Variants in LIN7B observed in about 807,000 individuals in gnomAD.
LIN7B encodes the protein protein lin-7 homolog B.
LIN7B carries 16 observed loss-of-function variants against 27.9 expected under a neutral mutation model. The observed-to-expected ratio is 0.57, with a 90% confidence interval of 0.39 to 0.87. The LOEUF (loss-of-function observed/expected upper bound fraction) is 0.87. Among genes scored for constraint, LIN7B ranks in the 40% least tolerant of loss-of-function variants. The pLI is 0.00. For missense variants in LIN7B, 291 were observed against 288.5 expected (o/e 1.01, Z -0.06); for synonymous variants, 147 against 120.8 (o/e 1.22, Z -1.42).
chr19:49,114,427 T>C lies in LIN7B; in HGVS notation c.23T>C (p.Leu8Pro). 8.3e-7 allele frequency: 1 copy of C among 1,206,502 alleles called. No homozygotes were observed. 74.7% of individuals were successfully genotyped at this position (1,206,502 alleles called of 1,614,324 possible). MAALVEP[L>P]GLERDVSRAV... is the part of the protein sequence containing the mutation. Reference sequence around the variant, plus strand: ...GACATGGCTGCGCTGGTGGAGCCGCTGGGGCTGGAGCGGGGTAAGCGTGCG... The same window carrying C: ...GACATGGCTGCGCTGGTGGAGCCGCCGGGGCTGGAGCGGGGTAAGCGTGCG... Residue 8 changes from leucine to proline, a missense_variant, in exon 1 of 6, where the codon CTG (leucine) becomes CCG (proline). Transcript: ENST00000221459.
At chr19:49,114,650 C>A in intron 1 of LIN7B, 199 bp from the exon 2 acceptor site, 1 of 452,746 alleles carries the variant, frequency 2.2e-6, no homozygotes, top group Non-Finnish European at 3.6e-6. Context: ...TACAACCCGG[C>A]CTGTGGAGGG....
At chr19:49,115,174 A>G in intron 2 of LIN7B, 86 bp from the exon 3 acceptor site, 32 of 1,203,560 alleles carry the variant, frequency 2.7e-5, no homozygotes, top group Non-Finnish European at 3.7e-5. Context: ...CTTGCGTGGT[A>G]GCGGGAGAGG....
intron 2 of LIN7B, 111 bp from the exon 3 acceptor site, chr19:49,115,149 G>C: frequency 5.9e-6 from 6 of 1,010,902 alleles, no homozygotes; most frequent in Non-Finnish European, 8.4e-6. Context: ...TTCTGTTGCG[G>C]GGGCGGGGCG....
intron 4 of LIN7B, among the ~76,000 whole-genome samples, chr19:49,117,354 T>C (rs1282554040): frequency 2.0e-5 from 3 of 151,608 alleles, no homozygotes; most frequent in Non-Finnish European, 4.4e-5. Context: ...CCTGAGAAGC[T>C]GGGACTTTGT....
chr19:49,117,835 G>A lies in LIN7B; in HGVS notation c.439-20G>A. ...AGGGCAGCGGGCCCCAGGCTCAGCT[G>A]TCTGTGTTGGGCCCTGCAGAGCGTT... is the stretch of plus-strand genomic sequence containing the variant. On this transcript the variant is annotated intron_variant, in intron 4 of 5. Coordinates refer to ENST00000221459, the MANE Select transcript of LIN7B (RefSeq NM_022165.3). 1 of 1,610,560 alleles carries A rather than the reference G, an allele frequency of 6.2e-7. No individual in the cohort carries two copies. Among genetic ancestry groups the A allele is most frequent in the East Asian group, 2.2e-5 (1 of 44,818 alleles).
Position 49,115,251 on chromosome 19 carries a change from C to T in LIN7B, c.157-9C>T, listed in dbSNP as rs1412658358. ...GGCGACTCCCTGATGCCGCTGCCTC[C>T]TCACCCAGGTGTATGAGCAGCTTTA... is the stretch of plus-strand genomic sequence containing the variant. On this transcript the variant is annotated splice_polypyrimidine_tract_variant and intron_variant, in intron 2 of 5. Transcript: ENST00000221459. 5.2e-6 allele frequency: 8 copies of T among 1,550,604 alleles called. No individual in the cohort carries two copies. Among genetic ancestry groups the T allele is most frequent in the African/African-American group, 2.7e-5 (2 of 73,046 alleles).
At chr19:49,118,052 C>T (rs1325313039) in intron 5 of LIN7B, 34 bp downstream of exon 5, 5 of 1,610,242 alleles carry the variant, frequency 3.1e-6, no homozygotes, top group Non-Finnish European at 3.4e-6. Flanking sequence ...CCTGGGGCCT[C>T]CACGGGCTCC....
At chr19:49,115,044 G>A in intron 2 of LIN7B, 77 bp downstream of exon 2, 4 of 1,059,194 alleles carry the variant, frequency 3.8e-6, no homozygotes, top group South Asian at 1.9e-5. Flanking sequence ...TCCCGAGCCC[G>A]GAGACTACGC....
Position 49,116,521 on chromosome 19 carries a change from A to G in LIN7B, c.438+49A>G, listed in dbSNP as rs754699964. ...CTGGGGGACACAGTCTGTCTAACGT[A>G]GCATAGCCCCTGCTTTTGACATTCA... On this transcript the variant is annotated intron_variant, in intron 4 of 5. Transcript: ENST00000221459. The G allele has an allele frequency of 4.5e-5, 68 of 1,518,554 alleles. No homozygotes were observed. The Admixed American group carries it at 1.1e-3, about 25-fold the overall frequency. The allele number at this position is 1,518,554 out of a possible 1,614,324, so 94.1% of individuals were successfully genotyped here.
Position 49,114,439 on chromosome 19 carries a change from G to A in LIN7B, c.35G>A (p.Arg12Gln), listed in dbSNP as rs1222092345. 5.8e-6 allele frequency: 7 copies of A among 1,207,992 alleles called. No individual in the cohort carries two copies. In the East Asian group the frequency reaches 2.0e-4, roughly 35 times the overall value. 74.8% of individuals were successfully genotyped at this position (1,207,992 alleles called of 1,614,324 possible). A position where few individuals can be genotyped will look rare whatever the true frequency, so the allele number is the denominator to read the frequency against. The stretch of plus-strand genomic sequence containing the variant: ...CTGGTGGAGCCGCTGGGGCTGGAGC[G>A]GGGTAAGCGTGCGCCAGGGGGCCCT... ...AALVEPLGLERDVSRAVELLE... is the reference protein window; with the variant it reads ...AALVEPLGLEQDVSRAVELLE... Residue 12 changes from arginine to glutamine, a missense_variant and splice_region_variant, in exon 1 of 6, where the codon CGG becomes CAG. Coordinates refer to ENST00000221459, the MANE Select transcript of LIN7B (RefSeq NM_022165.3).
At chr19:49,116,773 G>A (rs565334421) in intron 4 of LIN7B, among the ~76,000 whole-genome samples, 29 of 152,326 alleles carry the variant, frequency 1.9e-4, no homozygotes, top group African/African-American at 7.0e-4. Context: ...GGAAGGTTTT[G>A]CAGAGTAAGG....
chr19:49,117,993 C>G lies in LIN7B; in HGVS notation c.577C>G (p.Arg193Gly). Residue 193 changes from arginine to glycine, a missense_variant, in exon 5 of 6, where the codon CGG becomes GGG. Arg to Gly is a moderately radical substitution (Grantham distance 125, BLOSUM62 -2). Transcript: ENST00000221459. ...ARFEKMRSAR[R>G]RQQHQSYSSL... Reference sequence around the variant, plus strand: ...GTTCGAGAAGATGCGCTCTGCCCGCCGGCGCCAACAGCATCAGAGCTACTC... The same window carrying G: ...GTTCGAGAAGATGCGCTCTGCCCGCGGGCGCCAACAGCATCAGAGCTACTC... The G allele has an allele frequency of 6.2e-7, 1 of 1,614,030 alleles. No individual in the cohort carries two copies. Among genetic ancestry groups the G allele is most frequent in the Non-Finnish European group, 8.5e-7 (1 of 1,179,970 alleles).
Position 49,116,249 on chromosome 19 carries a change from T to C in LIN7B, c.229-14T>C, listed in dbSNP as rs1047687246. On this transcript the variant is annotated splice_polypyrimidine_tract_variant and intron_variant, in intron 3 of 5. Coordinates refer to ENST00000221459, the MANE Select transcript of LIN7B (RefSeq NM_022165.3). ...GGAAGGGGCCCTCATCTTCAGTCGC[T>C]TTCTCTCTCCCAGGCCACAGTGGCT... is the stretch of plus-strand genomic sequence containing the variant. 4 of 1,607,036 alleles carry C rather than the reference T, an allele frequency of 2.5e-6. No individual in the cohort carries two copies. The highest frequency in any genetic ancestry group is 1.7e-5 in the Admixed American group (1 of 59,842).
In LIN7B at chr19:49,118,435, CTTTA is replaced by C. The variant is rs1320107030; in HGVS notation, c.*67_*70del. Reference sequence around the variant, plus strand: ...TGTACAGTATTTATTGTTCCTGGCACTTTATTTAAAGATATTTGACCCTCACTGA... The same window carrying C: ...TGTACAGTATTTATTGTTCCTGGCACTTTAAAGATATTTGACCCTCACTGA... On this transcript the variant is annotated 3_prime_UTR_variant, in exon 6 of 6. Coordinates refer to ENST00000221459, the MANE Select transcript of LIN7B (RefSeq NM_022165.3). The C allele has an allele frequency of 1.9e-6, 3 of 1,599,508 alleles. No homozygotes were observed. Among genetic ancestry groups the C allele is most frequent in the African/African-American group, 1.3e-5 (1 of 74,564 alleles).
At chr19:49,117,431 G>A (rs1382545425) in intron 4 of LIN7B, among the ~76,000 whole-genome samples, 1 of 152,002 alleles carries the variant, frequency 6.6e-6, no homozygotes, top group Non-Finnish European at 1.5e-5. Context: ...GGTGCAGAAG[G>A]ACCACTCTGG....
chr19:49,114,977 G>A lies in LIN7B; in HGVS notation c.156+10G>A, dbSNP rs761879371. The A allele has an allele frequency of 5.0e-6, 7 of 1,403,740 alleles. No individual in the cohort carries two copies. In the Admixed American group the frequency reaches 2.0e-4, roughly 40 times the overall value. 87.0% of individuals were successfully genotyped at this position (1,403,740 alleles called of 1,614,324 possible). A position where few individuals can be genotyped will look rare whatever the true frequency, so the allele number is the denominator to read the frequency against. On this transcript the variant is annotated intron_variant, in intron 2 of 5. Transcript: ENST00000221459. ...CTCCGCTATCCGAGAGGTGAGGGGC[G>A]CGCGGCGCAGGGGCGCGAGCTGGTG...
intron 1 of LIN7B, 92 bp downstream of exon 1, chr19:49,114,533 G>GAGACGCATGCCTTCAC: frequency 1.0e-6 from 1 of 1,004,786 alleles, no homozygotes; most frequent in Non-Finnish European, 1.3e-6. Context: ...GCCAGTGCGG[G>GAGACGCATGCCTTCAC]TGGGCCAGCG....
At chr19:49,116,622 C>T in intron 4 of LIN7B, 150 bp downstream of exon 4, 2 of 737,642 alleles carry the variant, frequency 2.7e-6, no homozygotes, top group South Asian at 1.9e-5. Flanking sequence ...AGATGTTGGC[C>T]TCAGCTCCCT....
intron 5 of LIN7B, 75 bp from the exon 6 acceptor site, chr19:49,118,277 T>G: frequency 1.3e-6 from 2 of 1,552,884 alleles, no homozygotes; most frequent in Non-Finnish European, 1.8e-6. Context: ...CCCTTGCCTC[T>G]GCAACCCCAG....
Sources: allele counts gnomAD v4.1 joint callset (sites outside exome capture counted in the v4.1 genomes callset), GRCh38; gene constraint gnomAD v4.1.1; transcripts MANE v1.5; gene names NCBI Gene and HGNC (gene_info 2026-07-23, HGNC 2026-07-21).